The following C3orf33 variants were observed in gnomAD, a reference collection of about 807,000 sequenced individuals.
C3orf33 encodes the protein AP-1 activity suppressor.
A neutral mutation model predicts 28.7 loss-of-function variants in C3orf33; 23 were observed. That is an observed-to-expected ratio of 0.80 (90% CI 0.58 to 1.13). The LOEUF is 1.13. Among genes scored for constraint, C3orf33 ranks in the 50% most tolerant of loss-of-function variants. The pLI, the probability that C3orf33 is intolerant of heterozygous loss-of-function variation, is 0.00. For missense variants in C3orf33, 327 were observed against 353.4 expected (o/e 0.93, Z 0.60); for synonymous variants, 119 against 120.5 (o/e 0.99, Z 0.08).
In C3orf33 at chr3:155,800,465, A is replaced by G. The variant is rs546614353; in HGVS notation, c.174+2067T>C. 1.3e-4 allele frequency among the ~76,000 whole-genome samples: 19 copies of G among 151,888 alleles called. No individual in the cohort carries two copies. In the East Asian group the frequency reaches 3.7e-3, roughly 30 times the overall value. On this transcript the variant is annotated intron_variant, in intron 2 of 4. Transcript: ENST00000340171. ...CAGAAAAATTAAAAATTAGCCAGGC[A>G]TGGTGGCAGGTGCCTTTAGTCCTAA...
chr3:155,787,148 CATAA>C (rs1289755631), intron 2 of C3orf33, among the ~76,000 whole-genome samples: 1 of 152,124 alleles, frequency 6.6e-6, no homozygotes, highest in African/African-American at 2.4e-5. Flanking sequence ...CAGTATCTGT[CATAA>C]ACATTGACGA....
intron 3 of C3orf33, among the ~76,000 whole-genome samples, chr3:155,771,934 G>A (rs1276443638): frequency 6.6e-6 from 1 of 152,164 alleles, no homozygotes; most frequent in Admixed American, 6.6e-5. Context: ...GCCAGGTGCA[G>A]TGGCTCAGCC....
At chr3:155,772,809 T>C (rs999653047) in intron 3 of C3orf33, among the ~76,000 whole-genome samples, 7 of 147,602 alleles carry the variant, frequency 4.7e-5, no homozygotes, top group African/African-American at 1.8e-4. Flanking sequence ...TGTGTGTGTG[T>C]GTGCCTCCTC....
chr3:155,770,915 C>T (rs1559988748), intron 3 of C3orf33, among the ~76,000 whole-genome samples: 1 of 151,872 alleles, frequency 6.6e-6, no homozygotes, highest in Non-Finnish European at 1.5e-5. Flanking sequence ...CTCAAGTTAT[C>T]TGCCCACCTC....
At chr3:155,786,015 G>A (rs1407052666) in intron 2 of C3orf33, among the ~76,000 whole-genome samples, 2 of 151,056 alleles carry the variant, frequency 1.3e-5, no homozygotes, top group Admixed American at 1.3e-4. Flanking sequence ...ACTCCAGCCT[G>A]TCTCAGAAAG....
intron 2 of C3orf33, among the ~76,000 whole-genome samples, chr3:155,785,850 G>A (rs1279530514): frequency 1.3e-5 from 2 of 151,926 alleles, no homozygotes; most frequent in Non-Finnish European, 2.9e-5. Context: ...ACAATTCTGG[G>A]CAACATGCCA....
intron 2 of C3orf33, among the ~76,000 whole-genome samples, chr3:155,785,122 C>T (rs1025599169): frequency 2.7e-5 from 4 of 150,214 alleles, no homozygotes; most frequent in African/African-American, 4.9e-5. Context: ...AAAGTTACAA[C>T]AGAAAAAAAA....
chr3:155,766,670 T>C (rs1251510277), intron 4 of C3orf33, among the ~76,000 whole-genome samples: 1 of 152,232 alleles, frequency 6.6e-6, no homozygotes, highest in Non-Finnish European at 1.5e-5. Flanking sequence ...TTGAAGTTTA[T>C]GGCCACAGTG....
chr3:155,782,266 A>G (rs992412949), intron 2 of C3orf33, among the ~76,000 whole-genome samples: 1 of 151,956 alleles, frequency 6.6e-6, no homozygotes, highest in Non-Finnish European at 1.5e-5. Context: ...ATGGAACACC[A>G]TTAAATGAAC....
intron 3 of C3orf33, among the ~76,000 whole-genome samples, chr3:155,775,213 G>A (rs181714994): frequency 3.9e-4 from 59 of 152,276 alleles, no homozygotes; most frequent in African/African-American, 1.4e-3. Context: ...GAAGGGGCAG[G>A]GTGTGGTGGC....
chr3:155,801,659 T>C lies in C3orf33; in HGVS notation c.174+873A>G, dbSNP rs557594589. Among the ~76,000 whole-genome samples, 280 of 152,250 alleles carry C rather than the reference T, an allele frequency of 1.8e-3. 1 individual carries two copies. Among genetic ancestry groups the C allele is most frequent in the Non-Finnish European group, 3.2e-3 (221 of 68,014 alleles). The stretch of plus-strand genomic sequence containing the variant: ...TATAATGCCACTTACATGAGATATC[T>C]AGAATGGTCAAAATCATGGAGACAG... On this transcript the variant is annotated intron_variant, in intron 2 of 4. Transcript: ENST00000340171.
chr3:155,798,766 A>G lies in C3orf33; in HGVS notation c.174+3766T>C, dbSNP rs563688130. On this transcript the variant is annotated intron_variant, in intron 2 of 4. Coordinates refer to ENST00000340171, the MANE Select transcript of C3orf33 (RefSeq NM_001308229.2). Reference sequence around the variant, plus strand: ...ACAGGCAACCAAAGAAAAAATAGACAAACAGGATCATATCAAGTTAAAAAG... The same window carrying G: ...ACAGGCAACCAAAGAAAAAATAGACGAACAGGATCATATCAAGTTAAAAAG... 3.2e-4 allele frequency among the ~76,000 whole-genome samples: 49 copies of G among 152,302 alleles called. No homozygotes were observed. The Middle Eastern group carries it at 0.01, about 32-fold the overall frequency.
chr3:155,805,862 G>C (rs1751794112), intron 1 of C3orf33: 2 of 531,688 alleles, frequency 3.8e-6, no homozygotes, highest in Non-Finnish European at 6.8e-6. Flanking sequence ...CCCGAGCTGG[G>C]CTGCGTCTCA....
At chr3:155,800,478 C>A (rs1172689846) in intron 2 of C3orf33, among the ~76,000 whole-genome samples, 1 of 151,432 alleles carries the variant, frequency 6.6e-6, no homozygotes, top group Non-Finnish European at 1.5e-5. Context: ...GTGGCAGGTG[C>A]CTTTAGTCCT....
intron 2 of C3orf33, among the ~76,000 whole-genome samples, chr3:155,793,816 AAAAAAAAAAAACT>A (rs981896591): frequency 2.1e-5 from 3 of 143,050 alleles, no homozygotes; most frequent in Non-Finnish European, 3.0e-5. Context: ...ACTCAAAAAA[AAAAAAAAAAAACT>A]AAAAAAACTA....
chr3:155,798,763 GACAA>G (rs1751554734), intron 2 of C3orf33, among the ~76,000 whole-genome samples: 2 of 152,032 alleles, frequency 1.3e-5, no homozygotes, highest in Non-Finnish European at 2.9e-5. Context: ...AGAAAAAATA[GACAA>G]ACAGGATCAT....
chr3:155,805,710 G>C, intron 1 of C3orf33: 1 of 452,514 alleles, frequency 2.2e-6, no homozygotes, highest in Non-Finnish European at 4.4e-6. Context: ...GGGCCAGAGA[G>C]GAATACCGTG....
intron 2 of C3orf33, among the ~76,000 whole-genome samples, chr3:155,793,361 G>A (rs979090544): frequency 1.4e-5 from 2 of 145,422 alleles, no homozygotes; most frequent in Non-Finnish European, 3.0e-5. Flanking sequence ...TAAAGTGAGT[G>A]CTTCAATCTG....
At chr3:155,775,442 T>A (rs1296827118) in intron 3 of C3orf33, among the ~76,000 whole-genome samples, 1 of 151,068 alleles carries the variant, frequency 6.6e-6, no homozygotes, top group Middle Eastern at 3.2e-3. Context: ...TGAGCCGAAA[T>A]TGCACCATTG....
Sources: allele counts gnomAD v4.1 joint callset (sites outside exome capture counted in the v4.1 genomes callset), GRCh38; gene constraint gnomAD v4.1.1; transcripts MANE v1.5; gene names NCBI Gene and HGNC (gene_info 2026-07-23, HGNC 2026-07-21).